The following ZNF536 variants were observed in gnomAD, a reference collection of about 807,000 sequenced individuals.
ZNF536 encodes zinc finger protein 536.
Under a neutral mutation model 84.5 loss-of-function variants are expected in ZNF536, and 13 were observed. The ratio of observed to expected loss-of-function variants is 0.15; its 90% confidence interval spans 0.10 to 0.24. The LOEUF (loss-of-function observed/expected upper bound fraction) is 0.24. Among genes scored for constraint, ZNF536 ranks in the 10% least tolerant of loss-of-function variants. The pLI, the probability that ZNF536 is intolerant of heterozygous loss-of-function variation, is 1.00. For missense variants in ZNF536, 1,536 were observed against 1,747.5 expected, an observed-to-expected ratio of 0.88 and a Z score of 2.16; for synonymous variants, 811 against 742.5, an observed-to-expected ratio of 1.09 and a Z score of -1.50.
At chr19:30,242,440 G>A (rs753458550) in intron 1 of ZNF536, among the ~76,000 whole-genome samples, 3 of 152,144 alleles carry the variant, frequency 2.0e-5, no homozygotes, top group East Asian at 1.9e-4. Context: ...TGTGCTTCAC[G>A]CAGTCTAAAG....
At chr19:30,366,098 C>A (rs973298253) in intron 3 of ZNF536, among the ~76,000 whole-genome samples, 1 of 152,096 alleles carries the variant, frequency 6.6e-6, no homozygotes, top group African/African-American at 2.4e-5. Context: ...CCCACGTGAA[C>A]TCCTCCAGCC....
At chr19:30,542,318 T>C (rs563046933) in intron 3 of ZNF536, among the ~76,000 whole-genome samples, 1 of 152,186 alleles carries the variant, frequency 6.6e-6, no homozygotes, top group Non-Finnish European at 1.5e-5. Flanking sequence ...GATATGAGCA[T>C]GTAAAAATAG....
chr19:30,346,912 G>A (rs1402301315), intron 2 of ZNF536, among the ~76,000 whole-genome samples: 1 of 151,832 alleles, frequency 6.6e-6, no homozygotes. Context: ...AGGTCTTTGA[G>A]GAATCAACAC....
intron 1 of ZNF536, among the ~76,000 whole-genome samples, chr19:30,654,826 C>T (rs1316263666): frequency 6.6e-6 from 1 of 151,774 alleles, no homozygotes; most frequent in African/African-American, 2.4e-5. Flanking sequence ...GTGTCTGCCA[C>T]CCACCCCCCA....
intron 2 of ZNF536, among the ~76,000 whole-genome samples, chr19:30,520,330 T>C (rs2044270651): frequency 6.6e-6 from 1 of 152,136 alleles, no homozygotes; most frequent in Non-Finnish European, 1.5e-5. Context: ...GCCCCCAGCG[T>C]GTAGGACTGA....
intron 1 of ZNF536, among the ~76,000 whole-genome samples, chr19:30,615,715 T>A (rs1568605742): frequency 2.6e-5 from 4 of 152,140 alleles, no homozygotes; most frequent in Non-Finnish European, 4.4e-5. Flanking sequence ...GTTTATAGAT[T>A]TATAGGAAGA....
intron 1 of ZNF536, among the ~76,000 whole-genome samples, chr19:30,635,332 C>T (rs77561479): frequency 6.6e-6 from 1 of 152,202 alleles, no homozygotes; most frequent in Non-Finnish European, 1.5e-5. Flanking sequence ...CAATTCTGCT[C>T]TTTTTGGAGT....
In ZNF536 at chr19:30,531,225, A is replaced by T. The variant is rs544845442; in HGVS notation, c.2171-3622A>T. ...ATTTATTCTTTTTATTGGGCCACAC[A>T]TATCCAAGATAGAAAGATAAAAGGA... On this transcript the variant is annotated intron_variant, in intron 2 of 4. Transcript: ENST00000355537. 4.6e-5 allele frequency among the ~76,000 whole-genome samples: 7 copies of T among 152,378 alleles called. No homozygotes were observed. The East Asian group carries it at 1.3e-3, about 29-fold the overall frequency.
chr19:30,508,153 C>G (rs975580561), intron 2 of ZNF536, among the ~76,000 whole-genome samples: 2 of 152,210 alleles, frequency 1.3e-5, no homozygotes, highest in African/African-American at 4.8e-5. Flanking sequence ...CTCCCCCTGC[C>G]TCACCAACCA....
chr19:30,556,921 T>C (rs2045985984), intron 4 of ZNF536: 1 of 485,550 alleles, frequency 2.1e-6, no homozygotes, highest in Non-Finnish European at 3.6e-6. Context: ...AAGCAGTAAT[T>C]ATCTCCTATT....
At chr19:30,544,645 C>T (rs931564958) in intron 3 of ZNF536, among the ~76,000 whole-genome samples, 2 of 152,102 alleles carry the variant, frequency 1.3e-5, no homozygotes, top group Non-Finnish European at 2.9e-5. Flanking sequence ...TACTCAGTTT[C>T]CAGGGTCAAG....
intron 1 of ZNF536, among the ~76,000 whole-genome samples, chr19:30,387,995 G>A (rs909534898): frequency 1.3e-5 from 2 of 151,818 alleles, no homozygotes; most frequent in African/African-American, 4.8e-5. Context: ...CATAGGTGGA[G>A]CCCCTTAGAG....
intron 2 of ZNF536, among the ~76,000 whole-genome samples, chr19:30,307,972 G>A (rs1437743762): frequency 2.6e-5 from 4 of 152,208 alleles, no homozygotes; most frequent in Non-Finnish European, 4.4e-5. Flanking sequence ...AATTGGCATG[G>A]AGGTCTGAAG....
chr19:30,517,024 A>G (rs1325941068), intron 2 of ZNF536, among the ~76,000 whole-genome samples: 1 of 152,100 alleles, frequency 6.6e-6, no homozygotes, highest in Non-Finnish European at 1.5e-5. Context: ...TGATCTTTAC[A>G]TCGCCTGGTT....
chr19:30,253,810 G>A (rs1406139971), intron 1 of ZNF536, among the ~76,000 whole-genome samples: 1 of 152,136 alleles, frequency 6.6e-6, no homozygotes, highest in African/African-American at 2.4e-5. Context: ...TGGTCCGTGA[G>A]CCATGTGTGA....
intron 2 of ZNF536, among the ~76,000 whole-genome samples, chr19:30,465,276 C>T (rs2053334550): frequency 6.6e-6 from 1 of 152,162 alleles, no homozygotes. Flanking sequence ...TTACTGGCTT[C>T]ATCTCACCTT....
chr19:30,451,082 C>T (rs1027933826), intron 2 of ZNF536, among the ~76,000 whole-genome samples: 10 of 152,278 alleles, frequency 6.6e-5, no homozygotes, highest in African/African-American at 2.4e-4. Context: ...AGGCCCGTCC[C>T]CTGAGCTGAG....
At chr19:30,389,406 G>A (rs771854438) in intron 1 of ZNF536, among the ~76,000 whole-genome samples, 2 of 152,060 alleles carry the variant, frequency 1.3e-5, no homozygotes, top group Non-Finnish European at 2.9e-5. Flanking sequence ...CTCTGGACAC[G>A]AGACCCTTGT....
chr19:30,632,036 A>G (rs149044782), intron 1 of ZNF536, among the ~76,000 whole-genome samples: 72 of 152,344 alleles, frequency 4.7e-4, no homozygotes, highest in African/African-American at 1.6e-3. Context: ...CAGAGCCCAT[A>G]GGCGTTACAT....
Sources: allele counts gnomAD v4.1 joint callset (sites outside exome capture counted in the v4.1 genomes callset), GRCh38; gene constraint gnomAD v4.1.1; transcripts MANE v1.5; gene names NCBI Gene and HGNC (gene_info 2026-07-23, HGNC 2026-07-21).